Variants in CASKIN2 observed in about 807,000 individuals in gnomAD.
The protein encoded by CASKIN2 is caskin-2.
Under a neutral mutation model 107.1 loss-of-function variants are expected in CASKIN2, and 41 were observed. The ratio of observed to expected loss-of-function variants is 0.38; its 90% confidence interval spans 0.30 to 0.50. CASKIN2 has a LOEUF of 0.50. Among genes scored for constraint, CASKIN2 ranks in the 20% least tolerant of loss-of-function variants. CASKIN2 has a pLI of 0.92. For synonymous variants in CASKIN2, 724 were observed against 705.6 expected, an observed-to-expected ratio of 1.03 and a Z score of -0.41; for missense variants, 1,546 against 1,657.4, an observed-to-expected ratio of 0.93 and a Z score of 1.17.
rs368588112 is a variant in CASKIN2 at position 75,501,918 on chromosome 17, G to A, written c.3156C>T (p.Pro1052=). ...GCTGCATGGCGGGGCTGGGAGCAAG[G>A]GGGGTTGGAACTCCTTGGGCTGGAA... is the stretch of plus-strand genomic sequence containing the variant. ...SSLPAQGVPT[P]LAPSPAMQPP... The change falls in exon 18 of 20, where the codon CCC becomes CCT. Residue 1052 remains proline (P), a synonymous_variant. Transcript: ENST00000321617. 1.6e-5 allele frequency: 25 copies of A among 1,583,734 alleles called. No individual in the cohort carries two copies. The South Asian group carries it at 1.9e-4, about 12-fold the overall frequency.
chr17:75,505,183 C>T lies in CASKIN2; in HGVS notation c.931-110G>A, dbSNP rs918820371. 8.1e-7 allele frequency: 1 copy of T among 1,233,028 alleles called. No homozygotes were observed. Among genetic ancestry groups the T allele is most frequent in the African/African-American group, 1.5e-5 (1 of 67,748 alleles). The allele number at this position is 1,233,028 out of a possible 1,614,324, so 76.4% of individuals were successfully genotyped here. ...AACCCTGGTCCAGCTCTTTCCCTAC[C>T]CCTAAGGAGCTGGCCTCTGATGCCC... On this transcript the variant is annotated intron_variant, in intron 10 of 19. Coordinates refer to ENST00000321617, the MANE Select transcript of CASKIN2 (RefSeq NM_020753.5). The surrounding 1 kb of genome is among the most constrained non-coding windows in gnomAD (Gnocchi z 5.1).
rs1356082365 is a variant in CASKIN2, at chr17:75,502,953, C to A, written c.2121G>T (p.Gly707=). Residue 707 remains glycine, a synonymous_variant, in exon 18 of 20, where the codon GGG becomes GGT. Coordinates refer to ENST00000321617, the MANE Select transcript of CASKIN2 (RefSeq NM_020753.5). This position sits in a 1 kb window ranked among gnomAD's most constrained non-coding sequence, Gnocchi z 4.3. ...CAGGCTGTTCCTGTGAGTGGCCAGA[C>A]CCCCGTGAGCGTGCCCCGATGCTCT... ...SQESIGARSR[G]SGHSQEQPAP... 1.3e-6 allele frequency: 2 copies of A among 1,583,312 alleles called. No individual in the cohort carries two copies. Among genetic ancestry groups the A allele is most frequent in the South Asian group, 2.3e-5 (2 of 86,640 alleles).
chr17:75,501,816 C>T lies in CASKIN2; in HGVS notation c.3258G>A (p.Pro1086=), dbSNP rs376483918. 5.0e-5 allele frequency: 77 copies of T among 1,548,078 alleles called. No homozygotes were observed. The highest frequency in any genetic ancestry group is 1.1e-4 in the East Asian group (5 of 44,454). The change falls in exon 18 of 20, where the codon CCG becomes CCA. Residue 1086 remains proline (P), a synonymous_variant. Coordinates refer to ENST00000321617, the MANE Select transcript of CASKIN2 (RefSeq NM_020753.5). The part of the protein sequence containing the change: ...ASRWNGETEP[P]AAPAALLKVP... ...CCTTGAGGAGGGCAGCAGGGGCGGC[C>T]GGGGGTTCTGTCTCCCCATTCCACC...
intron 19 of CASKIN2, 55 bp from the exon 20 acceptor site, chr17:75,501,225 C>T (rs924423761): frequency 1.6e-5 from 24 of 1,479,610 alleles, no homozygotes; most frequent in Non-Finnish European, 1.5e-5. Flanking sequence ...ACCCCACTGG[C>T]CCTGGGGCAG....
intron 2 of CASKIN2, among the ~76,000 whole-genome samples, chr17:75,511,511 T>C (rs1017159185): frequency 2.0e-5 from 3 of 152,078 alleles, no homozygotes; most frequent in Non-Finnish European, 4.4e-5. Flanking sequence ...AGAACGGATA[T>C]TGAAATACCT....
chr17:75,507,754 C>A (rs973098019), intron 3 of CASKIN2, 73 bp from the exon 4 acceptor site: 1 of 1,171,942 alleles, frequency 8.5e-7, no homozygotes, highest in Non-Finnish European at 1.2e-6. Flanking sequence ...CTTCCATACC[C>A]GAACCTATCC....
Position 75,501,710 on chromosome 17 carries a change from G to T in CASKIN2, c.3296-20C>A. Reference sequence around the variant, plus strand: ...CTGTTCCTGCAGAGACAAAAAGGTTGGCTTGGGACTTGGCTGGGTCAGACA... The same window carrying T: ...CTGTTCCTGCAGAGACAAAAAGGTTTGCTTGGGACTTGGCTGGGTCAGACA... On this transcript the variant is annotated intron_variant, in intron 18 of 19. Transcript: ENST00000321617. 6.5e-7 allele frequency: 1 copy of T among 1,543,068 alleles called. No homozygotes were observed. The highest frequency in any genetic ancestry group is 1.2e-5 in the South Asian group (1 of 81,826).
intron 13 of CASKIN2, 29 bp downstream of exon 13, chr17:75,504,390 AG>A (rs1345724746): frequency 6.2e-7 from 1 of 1,603,084 alleles, no homozygotes; most frequent in Non-Finnish European, 8.5e-7. Context: ...CACCTCTCCT[AG>A]CCAACCCAGG....
chr17:75,511,303 T>C (rs1322386639), intron 2 of CASKIN2, among the ~76,000 whole-genome samples: 1 of 152,144 alleles, frequency 6.6e-6, no homozygotes, highest in East Asian at 1.9e-4. Flanking sequence ...TCAAGTGATC[T>C]GCCCACCTCG....
Position 75,502,580 on chromosome 17 carries a change from G to A in CASKIN2, c.2494C>T (p.Arg832Trp), listed in dbSNP as rs150954752. 122 of 1,590,008 alleles carry A rather than the reference G, an allele frequency of 7.7e-5. 1 individual carries two copies. The highest frequency in any genetic ancestry group is 2.8e-4 in the African/African-American group (21 of 74,636). ...CGGACAAGGGCACTGCGTCCTGGCCGCCGGGTAAGGGTAGCATAACTGCCT... is the reference window on the plus strand; with the variant it reads ...CGGACAAGGGCACTGCGTCCTGGCCACCGGGTAAGGGTAGCATAACTGCCT... ...TLGSYATLTR[R>W]PGRSALVRTS... is the part of the protein sequence containing the mutation. The change falls in exon 18 of 20, where the codon CGG becomes TGG. Residue 832 changes from arginine to tryptophan, a missense_variant. Coordinates refer to ENST00000321617, the MANE Select transcript of CASKIN2 (RefSeq NM_020753.5). This position sits in a 1 kb window ranked among gnomAD's most constrained non-coding sequence, Gnocchi z 4.3.
chr17:75,503,855 A>T lies in CASKIN2; in HGVS notation c.1575T>A (p.Pro525=), dbSNP rs771588350. The change falls in exon 15 of 20, where the codon CCT becomes CCA. Residue 525 remains proline (P), a synonymous_variant. Coordinates refer to ENST00000321617, the MANE Select transcript of CASKIN2 (RefSeq NM_020753.5). ...YDVPTISRMT[P]EDLTAIGVTK... is the part of the protein sequence containing the mutation. ...GCTTCCCGGCTGCAGCACCCACCTCAGGTGTCATGCGGCTGATGGTAGGCA... is the reference window on the plus strand; with the variant it reads ...GCTTCCCGGCTGCAGCACCCACCTCTGGTGTCATGCGGCTGATGGTAGGCA... The T allele has an allele frequency of 2.5e-6, 4 of 1,612,252 alleles. No individual in the cohort carries two copies. The East Asian group carries it at 8.9e-5, about 36-fold the overall frequency.
intron 4 of CASKIN2, among the ~76,000 whole-genome samples, chr17:75,507,359 C>T (rs890603579): frequency 6.6e-6 from 1 of 152,172 alleles, no homozygotes; most frequent in Non-Finnish European, 1.5e-5. Flanking sequence ...AACAACACCT[C>T]GCTGAGCCTC....
intron 3 of CASKIN2, 119 bp downstream of exon 3, chr17:75,508,115 G>C: frequency 8.7e-7 from 1 of 1,151,182 alleles, no homozygotes; most frequent in Non-Finnish European, 1.3e-6. Context: ...TACACTTCCA[G>C]GGCCAAGTCT....
chr17:75,504,662 G>A lies in CASKIN2; in HGVS notation c.1224C>T (p.Gly408=). 6.2e-7 allele frequency: 1 copy of A among 1,602,936 alleles called. No individual in the cohort carries two copies. The highest frequency in any genetic ancestry group is 8.5e-7 in the Non-Finnish European group (1 of 1,173,780). ...AGDRNSVGSE[G]SVGSIRSAGS... is the part of the protein sequence containing the mutation. The stretch of plus-strand genomic sequence containing the variant: ...CGGCACTGCGGATGCTGCCCACGCT[G>A]CCCTCACTGCCCACACTATTCCTGT... Residue 408 remains glycine, a synonymous_variant, in exon 12 of 20, where the codon GGC becomes GGT. Transcript: ENST00000321617.
chr17:75,514,613 C>A (rs11650414), intron 1 of CASKIN2, among the ~76,000 whole-genome samples: 4 of 152,178 alleles, frequency 2.6e-5, no homozygotes, highest in Non-Finnish European at 5.9e-5. Context: ...CACAGGCAGG[C>A]GGGCAGGGGT....
At chr17:75,514,292 C>A in intron 1 of CASKIN2, 84 bp from the exon 2 acceptor site, 1 of 405,756 alleles carries the variant, frequency 2.5e-6, no homozygotes, top group Non-Finnish European at 4.3e-6. Context: ...ATGAGCAGGA[C>A]AAGACCTCCA....
In CASKIN2 at chr17:75,505,335, G is replaced by C. The variant is rs2053253548; in HGVS notation, c.930+222C>G. ...ACTACTTGCTAGCTGTGTGACCTTG[G>C]GCAAGTCACTTGAATTTCTCTTGAT... On this transcript the variant is annotated intron_variant, in intron 10 of 19. Transcript: ENST00000321617. The surrounding 1 kb of genome is among the most constrained non-coding windows in gnomAD (Gnocchi z 5.1). 1 of 628,206 alleles carries C rather than the reference G, an allele frequency of 1.6e-6. No homozygotes were observed. The highest frequency in any genetic ancestry group is 1.9e-5 in the South Asian group (1 of 51,658). The allele number at this position is 628,206 out of a possible 1,614,324, so 38.9% of individuals were successfully genotyped here.
At position 75,506,027 on chromosome 17, in the gene CASKIN2, C is replaced by T. The variant is rs914664740; in HGVS notation, c.727-98G>A. The T allele has an allele frequency of 3.3e-5, 36 of 1,106,568 alleles. No homozygotes were observed. The African/African-American group carries it at 4.8e-4, about 15-fold the overall frequency. The allele number at this position is 1,106,568 out of a possible 1,614,324, so 68.5% of individuals were successfully genotyped here. On this transcript the variant is annotated intron_variant, in intron 8 of 19. Coordinates refer to ENST00000321617, the MANE Select transcript of CASKIN2 (RefSeq NM_020753.5). This position sits in a 1 kb window ranked among gnomAD's most constrained non-coding sequence, Gnocchi z 4.8. ...GGACATAGGTACTATTACCATTTTCCGATTTTACAGATGAGGACATAGAGG... is the reference window on the plus strand; with the variant it reads ...GGACATAGGTACTATTACCATTTTCTGATTTTACAGATGAGGACATAGAGG...
intron 15 of CASKIN2, 23 bp from the exon 16 acceptor site, chr17:75,503,783 C>G (rs1321759154): frequency 2.5e-6 from 4 of 1,611,648 alleles, no homozygotes; most frequent in Non-Finnish European, 3.4e-6. Flanking sequence ...GTCTGGCCAT[C>G]AGGCCCCTCC....
Sources: gnomAD v4.1 joint callset for allele counts (sites outside exome capture counted in the v4.1 genomes callset) on GRCh38, gnomAD v4.1.1 for gene constraint, Gnocchi (gnomAD v3.1) non-coding constraint, MANE v1.5 for transcripts, NCBI Gene and HGNC (gene_info 2026-07-23, HGNC 2026-07-21) for gene names.